Variants in FRMPD3 observed in about 807,000 individuals in gnomAD.
The protein encoded by FRMPD3 is FERM and PDZ domain containing 3.
Under a neutral mutation model 97.9 loss-of-function variants are expected in FRMPD3, and 42 were observed. The ratio of observed to expected loss-of-function variants is 0.43; its 90% CI spans 0.34 to 0.55. The LOEUF (loss-of-function observed/expected upper bound fraction) is 0.55. Among genes scored for constraint, FRMPD3 ranks in the 20% least tolerant of loss-of-function variants. The probability of loss-of-function intolerance (pLI) is 0.03; values close to 1 mark genes in which losing one functional copy is unlikely to be tolerated. For synonymous variants in FRMPD3, 577 were observed against 581.1 expected (o/e 0.99, Z 0.10); for missense variants, 1,303 against 1,457.7 (o/e 0.89, Z 1.73).
chrX:107,460,291 T>C (rs1049097253), intron 1 of FRMPD3, among the ~76,000 whole-genome samples: 2 of 111,857 alleles, frequency 1.8e-5, no homozygotes, highest in Admixed American at 9.5e-5. Context: ...CTCCTAAGTT[T>C]TGTCATTGGT....
intron 7 of FRMPD3, among the ~76,000 whole-genome samples, chrX:107,553,704 A>G (rs1395875462): frequency 1.8e-5 from 2 of 111,742 alleles, no homozygotes; most frequent in Non-Finnish European, 3.8e-5. Context: ...CTCTCAGCCA[A>G]ATGCAATACA....
At chrX:107,554,603 C>T (rs1922000803) in intron 8 of FRMPD3, 99 bp downstream of exon 8, 2 of 1,051,796 alleles carry the variant, frequency 1.9e-6, no homozygotes, top group Non-Finnish European at 1.3e-6. Context: ...GTTTTTCCAA[C>T]CTCCAGGTAG....
In FRMPD3 at chrX:107,449,911, G is replaced by A. The variant is rs1389661808; in HGVS notation, c.-102G>A. The stretch of plus-strand genomic sequence containing the variant: ...CCCTAGTCCCGCTGCCGCCGCCGCC[G>A]CCGCCGCCGCTGCGCCGCCGCTGCC... On this transcript the variant is annotated 5_prime_UTR_variant, in exon 1 of 15. Transcript: ENST00000683843. 2.7e-5 allele frequency among the ~76,000 whole-genome samples: 3 copies of A among 109,558 alleles called. No homozygotes were observed. In the East Asian group the frequency reaches 8.7e-4, roughly 32 times the overall value.
chrX:107,601,905 C>G lies in FRMPD3; in HGVS notation c.3866C>G (p.Pro1289Arg), dbSNP rs148049673. Residue 1289 changes from proline to arginine, a missense_variant, in exon 15 of 15, where the codon CCT (proline) becomes CGT (arginine). By Grantham distance (103) the Pro-to-Arg change is moderately radical. Transcript: ENST00000683843. ...QLRSSPVQQG[P>R]GMSREQRRSC... Reference sequence around the variant, plus strand: ...CGCAGCAGCCCTGTGCAGCAGGGGCCTGGCATGTCCCGTGAGCAGAGGCGC... The same window carrying G: ...CGCAGCAGCCCTGTGCAGCAGGGGCGTGGCATGTCCCGTGAGCAGAGGCGC... The G allele has an allele frequency of 2.4e-5, 29 of 1,195,871 alleles. No homozygotes were observed. Among genetic ancestry groups the G allele is most frequent in the Non-Finnish European group, 3.3e-5 (29 of 888,778 alleles).
intron 1 of FRMPD3, among the ~76,000 whole-genome samples, chrX:107,512,649 A>G (rs758070167): frequency 2.7e-5 from 3 of 109,873 alleles, no homozygotes; most frequent in Non-Finnish European, 5.7e-5. Context: ...GTCAATCCCT[A>G]TATATCTCTG....
At chrX:107,584,135 T>C (rs1376870967) in intron 13 of FRMPD3, among the ~76,000 whole-genome samples, 1 of 111,313 alleles carries the variant, frequency 9.0e-6, no homozygotes, top group Non-Finnish European at 1.9e-5. Context: ...CCAAAGTGTT[T>C]GGATTACAGG....
chrX:107,553,420 G>A (rs763714269), intron 7 of FRMPD3, among the ~76,000 whole-genome samples: 10 of 108,159 alleles, frequency 9.2e-5, no homozygotes, highest in Non-Finnish European at 1.9e-4. Context: ...TTACAAGGTA[G>A]AGTAGGAAAA....
chrX:107,603,208 A>ACAGCAG lies in FRMPD3; in HGVS notation c.5178_5183dup (p.Gln1742_Gln1743dup). The ACAGCAG allele has an allele frequency of 8.6e-7, 1 of 1,168,558 alleles. No homozygotes were observed. The highest frequency in any genetic ancestry group is 1.1e-6 in the Non-Finnish European group (1 of 875,135). ...TTAACCAGCAGCAGCAGCAACAACA[A>ACAGCAG]CAGCAGCAGCAGCAACAACAACAGC... On this transcript the variant is annotated inframe_insertion, in exon 15 of 15. Coordinates refer to ENST00000683843, the MANE Select transcript of FRMPD3 (RefSeq NM_001388459.1).
At chrX:107,548,096 G>T (rs1405630943) in intron 5 of FRMPD3, among the ~76,000 whole-genome samples, 1 of 111,843 alleles carries the variant, frequency 8.9e-6, no homozygotes, top group Non-Finnish European at 1.9e-5. Context: ...TCCATGCTTT[G>T]TCCATGATCC....
intron 1 of FRMPD3, among the ~76,000 whole-genome samples, 89 bp downstream of exon 1, chrX:107,450,094 G>T (rs1019344524): frequency 9.0e-6 from 1 of 110,548 alleles, no homozygotes; most frequent in Non-Finnish European, 1.9e-5. Context: ...GCCCCGGGCC[G>T]GCTGGGGGGC....
Position 107,600,403 on chromosome X carries a change from C to T in FRMPD3, c.2364C>T (p.Ala788=). The change falls in exon 15 of 15, where the codon GCC becomes GCT. Residue 788 remains alanine (A), a synonymous_variant. Transcript: ENST00000683843. ...CAGACATGTCAGAGATGATGTCGGCCATGAAGCAGCACCAGAACACCACCT... is the reference window on the plus strand; with the variant it reads ...CAGACATGTCAGAGATGATGTCGGCTATGAAGCAGCACCAGAACACCACCT... ...ELTDMSEMMS[A]MKQHQNTTYF... is the part of the protein sequence containing the mutation. 1.7e-6 allele frequency: 2 copies of T among 1,210,835 alleles called. No homozygotes were observed. The highest frequency in any genetic ancestry group is 4.6e-4 in the Middle Eastern group (2 of 4,355).
At chrX:107,459,390 C>T (rs1223666023) in intron 1 of FRMPD3, among the ~76,000 whole-genome samples, 1 of 112,442 alleles carries the variant, frequency 8.9e-6, no homozygotes, top group African/African-American at 3.2e-5. Context: ...ATGGCAAGAG[C>T]TACCACAGCA....
rs1170985688 is a variant in FRMPD3 at position 107,577,162 on chromosome X, TAAAAAAAA to T, written c.1441+724_1441+731del. ...TAACAAGGTGAAACCCTGTCTCTAC[TAAAAAAAA>T]AAAAAAAAAAAAAAAAAAAATACAA... On this transcript the variant is annotated intron_variant, in intron 13 of 14. Transcript: ENST00000683843. 1.0e-3 allele frequency among the ~76,000 whole-genome samples: 33 copies of T among 32,071 alleles called. 1 individual carries two copies. Among genetic ancestry groups the T allele is most frequent in the African/African-American group, 2.9e-3 (30 of 10,480 alleles). 27.8% of individuals were successfully genotyped at this position (32,071 alleles called of 115,157 possible). A position where few individuals can be genotyped will look rare whatever the true frequency, so the allele number is the denominator to read the frequency against.
intron 3 of FRMPD3, among the ~76,000 whole-genome samples, chrX:107,531,378 C>G (rs1271706942): frequency 9.2e-6 from 1 of 109,046 alleles, no homozygotes; most frequent in Non-Finnish European, 1.9e-5. Flanking sequence ...CCTCCTCTCT[C>G]TCACCCCCTT....
intron 13 of FRMPD3, among the ~76,000 whole-genome samples, chrX:107,577,416 G>A (rs1012197858): frequency 3.9e-5 from 4 of 103,834 alleles, no homozygotes; most frequent in Non-Finnish European, 7.9e-5. Flanking sequence ...TCTAGAAGGC[G>A]GAGGTTGTAG....
chrX:107,595,937 C>CAA (rs377196495), intron 13 of FRMPD3, among the ~76,000 whole-genome samples: 1 of 51,569 alleles, frequency 1.9e-5, no homozygotes. Flanking sequence ...GACTCCGTCT[C>CAA]AAAAAAAAAA....
intron 10 of FRMPD3, among the ~76,000 whole-genome samples, chrX:107,562,868 A>T (rs762067467): frequency 8.9e-6 from 1 of 111,976 alleles, no homozygotes; most frequent in Non-Finnish European, 1.9e-5. Flanking sequence ...AGTAAGCTGG[A>T]TACTTTAGGA....
chrX:107,592,503 A>G (rs1923954215), intron 13 of FRMPD3, among the ~76,000 whole-genome samples: 1 of 111,553 alleles, frequency 9.0e-6, no homozygotes, highest in South Asian at 3.7e-4. Context: ...GCCCAACTGT[A>G]CCACATTTTT....
intron 1 of FRMPD3, among the ~76,000 whole-genome samples, chrX:107,516,337 C>T (rs1252899224): frequency 1.4e-4 from 16 of 110,851 alleles, no homozygotes; most frequent in Non-Finnish European, 2.3e-4. Flanking sequence ...AATAAACATA[C>T]GTGTGCATGT....
Sources: gnomAD v4.1 joint callset for allele counts (sites outside exome capture counted in the v4.1 genomes callset) on GRCh38, gnomAD v4.1.1 for gene constraint, MANE v1.5 for transcripts, NCBI Gene and HGNC (gene_info 2026-07-23, HGNC 2026-07-21) for gene names.